Variants in PPM1D observed in about 807,000 individuals in gnomAD.
PPM1D encodes protein phosphatase, Mg2+/Mn2+ dependent 1D.
In PPM1D, 52 loss-of-function variants were observed where a neutral mutation model predicts 58.3. The observed-to-expected ratio is 0.89, with a 90% CI of 0.71 to 1.12. PPM1D has a LOEUF of 1.12. Ranked by LOEUF, PPM1D falls within the 50% of genes most tolerant of loss-of-function variation. PPM1D has a pLI of 0.00. For synonymous variants in PPM1D, 278 were observed against 285.1 expected (o/e 0.98, Z 0.25); for missense variants, 564 against 777.2 (o/e 0.73, Z 3.26).
chr17:60,660,532 T>C (rs75469579), intron 5 of PPM1D, among the ~76,000 whole-genome samples: 7,172 of 151,422 alleles, frequency 0.047, 595 homozygotes, highest in African/African-American at 0.16. Context: ...GGGCCGGGTG[T>C]GGTGGGTCAC....
intron 1 of PPM1D, among the ~76,000 whole-genome samples, chr17:60,605,442 T>C (rs2030310460): frequency 6.6e-6 from 1 of 152,368 alleles, no homozygotes; most frequent in African/African-American, 2.4e-5. Context: ...TACTCATCTT[T>C]AATTGTTTTA....
rs375982628 is a variant in PPM1D at position 60,656,452 on chromosome 17, C to CA, written c.1018-134dup. On this transcript the variant is annotated intron_variant, in intron 4 of 5. Transcript: ENST00000305921. ...TGGGTGACAGAGGAAGACTCTGTCT[C>CA]AAAAAAAAAAAAAGAGAAAAGAAAA... 0.13 allele frequency: 97,924 copies of CA among 775,656 alleles called. 53 individuals carry two copies. Among genetic ancestry groups the CA allele is most frequent in the Middle Eastern group, 0.15 (339 of 2,290 alleles). 48.0% of individuals were successfully genotyped at this position (775,656 alleles called of 1,614,324 possible).
chr17:60,640,591 G>A lies in PPM1D; in HGVS notation c.826+6614G>A, dbSNP rs757135148. ...AGTACATGTACAGGTTTGTTACATGGGTATATTGCATGGTGCTGAGGTTTG... is the reference window on the plus strand; with the variant it reads ...AGTACATGTACAGGTTTGTTACATGAGTATATTGCATGGTGCTGAGGTTTG... On this transcript the variant is annotated intron_variant, in intron 3 of 5. Coordinates refer to ENST00000305921, the MANE Select transcript of PPM1D (RefSeq NM_003620.4). Among the ~76,000 whole-genome samples the A allele has an allele frequency of 1.6e-4, 25 of 152,080 alleles. 1 individual carries two copies. The highest frequency in any genetic ancestry group is 6.6e-4 in the Admixed American group (10 of 15,258).
Position 60,640,291 on chromosome 17 carries a change from G to C in PPM1D, c.826+6314G>C, listed in dbSNP as rs575652914. On this transcript the variant is annotated intron_variant, in intron 3 of 5. Coordinates refer to ENST00000305921, the MANE Select transcript of PPM1D (RefSeq NM_003620.4). ...ACTGTACTCCAGCTTGGGCAACAGA[G>C]CAAGACCCTGTTTCAGAAAAAACAA... is the stretch of plus-strand genomic sequence containing the variant. Among the ~76,000 whole-genome samples, 8 of 152,284 alleles carry C rather than the reference G, an allele frequency of 5.3e-5. No homozygotes were observed. The South Asian group carries it at 1.0e-3, about 20-fold the overall frequency.
At chr17:60,633,805 G>A in intron 2 of PPM1D, 48 bp from the exon 3 acceptor site, 2 of 1,491,488 alleles carry the variant, frequency 1.3e-6, no homozygotes, top group African/African-American at 1.4e-5. Context: ...TATCTTAGTT[G>A]TTGTATTTTA....
At chr17:60,619,112 C>T (rs774154711) in intron 1 of PPM1D, among the ~76,000 whole-genome samples, 2 of 152,132 alleles carry the variant, frequency 1.3e-5, no homozygotes, top group South Asian at 2.1e-4. Context: ...TTAGATTCCA[C>T]GTATAAGTAA....
chr17:60,624,679 C>T (rs542970295), intron 2 of PPM1D, among the ~76,000 whole-genome samples: 4 of 152,030 alleles, frequency 2.6e-5, no homozygotes, highest in Admixed American at 6.6e-5. Context: ...CCAGCTACTC[C>T]GGAGGCTGAG....
chr17:60,660,674 T>C (rs1441446268), intron 5 of PPM1D, among the ~76,000 whole-genome samples: 1 of 151,544 alleles, frequency 6.6e-6, no homozygotes, highest in Non-Finnish European at 1.5e-5. Context: ...GGTGGGAGAA[T>C]CGCTTGAACC....
chr17:60,619,093 A>G (rs2143646546), intron 1 of PPM1D, among the ~76,000 whole-genome samples: 1 of 152,140 alleles, frequency 6.6e-6, no homozygotes, highest in East Asian at 1.9e-4. Flanking sequence ...TCCTTCTGTG[A>G]CTTTTTCTTT....
chr17:60,622,846 C>T (rs1186539129), intron 1 of PPM1D, among the ~76,000 whole-genome samples: 1 of 152,184 alleles, frequency 6.6e-6, no homozygotes, highest in Non-Finnish European at 1.5e-5. Context: ...CCCATGATCC[C>T]AGCACTTTGG....
chr17:60,653,220 T>C (rs2031376802), intron 4 of PPM1D, among the ~76,000 whole-genome samples: 1 of 152,212 alleles, frequency 6.6e-6, no homozygotes, highest in Non-Finnish European at 1.5e-5. Context: ...TAATCCATTT[T>C]GATTTGATTT....
chr17:60,626,793 C>T (rs1445868734), intron 2 of PPM1D, among the ~76,000 whole-genome samples: 1 of 152,112 alleles, frequency 6.6e-6, no homozygotes, highest in Non-Finnish European at 1.5e-5. Flanking sequence ...ATCCTCCCAC[C>T]TTGTCCTCCC....
chr17:60,647,116 A>G (rs1303285971), intron 3 of PPM1D, among the ~76,000 whole-genome samples: 3 of 152,244 alleles, frequency 2.0e-5, no homozygotes, highest in Non-Finnish European at 4.4e-5. Context: ...CAAATTCTAC[A>G]ACAATCCTTT....
chr17:60,624,722 G>A (rs1265889883), intron 2 of PPM1D, among the ~76,000 whole-genome samples: 1 of 152,204 alleles, frequency 6.6e-6, no homozygotes, highest in Non-Finnish European at 1.5e-5. Context: ...GGAGGCAGAG[G>A]TTGTGGTGAG....
intron 3 of PPM1D, among the ~76,000 whole-genome samples, chr17:60,639,586 C>A (rs553404803): frequency 3.5e-4 from 54 of 152,140 alleles, no homozygotes; most frequent in Non-Finnish European, 7.1e-4. Flanking sequence ...TACAGGCGCA[C>A]GCCACTGCAC....
At chr17:60,645,578 A>ATGTGTGTGCG (rs1382355126) in intron 3 of PPM1D, among the ~76,000 whole-genome samples, 1 of 140,278 alleles carries the variant, frequency 7.1e-6, no homozygotes, top group African/African-American at 2.8e-5. Context: ...ATATGTATAT[A>ATGTGTGTGCG]TATATGTGTG....
At chr17:60,622,891 G>A (rs906321963) in intron 1 of PPM1D, among the ~76,000 whole-genome samples, 13 of 152,212 alleles carry the variant, frequency 8.5e-5, no homozygotes, top group South Asian at 8.3e-4. Flanking sequence ...AAGGTCAGGA[G>A]TTTGAGACCA....
At chr17:60,656,999 A>G (rs543876190) in intron 5 of PPM1D, 158 bp downstream of exon 5, 78 of 1,550,548 alleles carry the variant, frequency 5.0e-5, no homozygotes, top group East Asian at 1.7e-4. Context: ...CTTTACATCA[A>G]TACTAATCTG....
At position 60,600,760 on chromosome 17, in the gene PPM1D, G is replaced by A; in HGVS notation, c.346G>A (p.Ala116Thr). The change falls in exon 1 of 6, where the codon GCC (alanine) becomes ACC (threonine). Residue 116 changes from alanine (A) to threonine (T), a missense_variant. Physicochemically the swap from Ala to Thr is moderately conservative, Grantham distance 58. Coordinates refer to ENST00000305921, the MANE Select transcript of PPM1D (RefSeq NM_003620.4). ...CGGCGGGCGGGAGGCGGCACAGTTT[G>A]CCCGGGAGCACTTGTGGGGTTTCAT... ...GHGGREAAQFAREHLWGFIKK... is the reference protein window; with the variant it reads ...GHGGREAAQFTREHLWGFIKK... The A allele has an allele frequency of 6.2e-7, 1 of 1,612,378 alleles. No individual in the cohort carries two copies. Among genetic ancestry groups the A allele is most frequent in the Non-Finnish European group, 8.5e-7 (1 of 1,179,834 alleles).
Sources: allele counts gnomAD v4.1 joint callset (sites outside exome capture counted in the v4.1 genomes callset), GRCh38; gene constraint gnomAD v4.1.1; transcripts MANE v1.5; gene names NCBI Gene and HGNC (gene_info 2026-07-23, HGNC 2026-07-21).